The following WWOX variants were observed in gnomAD, a reference collection of about 807,000 sequenced individuals.
WWOX encodes WW domain containing oxidoreductase.
In WWOX, 69 loss-of-function variants were observed where a neutral mutation model predicts 46.2. The observed-to-expected ratio is 1.49, with a 90% confidence interval of 1.23 to 1.82. WWOX has a LOEUF of 1.82. Among genes scored for constraint, WWOX ranks in the 40% most tolerant of loss-of-function variants. The pLI is 0.00. For missense variants in WWOX, 919 were observed against 542.6 expected (o/e 1.69, Z -6.89); for synonymous variants, 359 against 202.6 (o/e 1.77, Z -6.56).
intron 8 of WWOX, among the ~76,000 whole-genome samples, chr16:78,626,216 C>T (rs780890783): frequency 1.6e-4 from 25 of 151,992 alleles, no homozygotes; most frequent in East Asian, 3.9e-4. Flanking sequence ...CTGCAACCTC[C>T]GCCTCGCAGG....
At chr16:78,620,644 C>T (rs981226403) in intron 8 of WWOX, among the ~76,000 whole-genome samples, 2 of 152,132 alleles carry the variant, frequency 1.3e-5, no homozygotes, top group Non-Finnish European at 2.9e-5. Context: ...GTACTTCCTG[C>T]TTCTTGATGC....
At chr16:78,614,667 G>C (rs944660478) in intron 8 of WWOX, among the ~76,000 whole-genome samples, 1 of 152,222 alleles carries the variant, frequency 6.6e-6, no homozygotes, top group African/African-American at 2.4e-5. Flanking sequence ...TCCAGTTACA[G>C]GGCCTCGCCT....
chr16:78,430,190 A>G (rs936801054), intron 7 of WWOX, among the ~76,000 whole-genome samples: 1 of 152,108 alleles, frequency 6.6e-6, no homozygotes, highest in Admixed American at 6.6e-5. Flanking sequence ...CTCATTTATA[A>G]AACCATCAGA....
intron 8 of WWOX, among the ~76,000 whole-genome samples, chr16:78,579,535 T>C (rs2943767): frequency 0.24 from 36,425 of 151,842 alleles, 4,859 homozygotes; most frequent in African/African-American, 0.34. Context: ...AGAAGGATGC[T>C]AGGTGAGGTG....
chr16:78,418,441 T>A (rs961789144), intron 6 of WWOX, among the ~76,000 whole-genome samples: 1 of 151,908 alleles, frequency 6.6e-6, no homozygotes, highest in Non-Finnish European at 1.5e-5. Context: ...GGAAACACTT[T>A]CCATCTGACA....
At chr16:78,859,061 T>C (rs1291450696) in intron 8 of WWOX, among the ~76,000 whole-genome samples, 1 of 77,434 alleles carries the variant, frequency 1.3e-5, no homozygotes, top group African/African-American at 4.9e-5. Flanking sequence ...TATATATATA[T>C]ATATATATAT....
chr16:78,906,474 TTCTG>T (rs367632184), intron 8 of WWOX, among the ~76,000 whole-genome samples: 36 of 152,252 alleles, frequency 2.4e-4, no homozygotes, highest in Middle Eastern at 6.8e-3. Context: ...GCAGGGAGTT[TTCTG>T]TCTTTGTCCC....
intron 8 of WWOX, among the ~76,000 whole-genome samples, chr16:78,805,361 T>C (rs1362401248): frequency 1.3e-5 from 2 of 152,018 alleles, no homozygotes; most frequent in African/African-American, 2.4e-5. Flanking sequence ...CCCGGGTTCA[T>C]GCCATTCTCC....
chr16:78,289,323 C>T (rs1344151091), intron 5 of WWOX, among the ~76,000 whole-genome samples: 2 of 151,998 alleles, frequency 1.3e-5, no homozygotes, highest in African/African-American at 4.8e-5. Flanking sequence ...TTTTTGATGA[C>T]CCAAAGAAGG....
rs1246686787 is a variant in WWOX, at chr16:78,869,045, G to A, written c.1057-342563G>A. Among the ~76,000 whole-genome samples the A allele has an allele frequency of 1.3e-5, 2 of 152,162 alleles. 1 individual carries two copies. Among genetic ancestry groups the A allele is most frequent in the South Asian group, 4.1e-4 (2 of 4,822 alleles). ...TAAAGGAAGAAAATAAAAATCACCT[G>A]TAGTCCTATCATTCAGAGATAACCA... is the stretch of plus-strand genomic sequence containing the variant. On this transcript the variant is annotated intron_variant, in intron 8 of 8. Coordinates refer to ENST00000566780, the MANE Select transcript of WWOX (RefSeq NM_016373.4).
chr16:78,378,022 GCCC>G (rs1229562977), intron 5 of WWOX, among the ~76,000 whole-genome samples: 1 of 152,030 alleles, frequency 6.6e-6, no homozygotes, highest in Non-Finnish European at 1.5e-5. Flanking sequence ...CTGATGGAGG[GCCC>G]TGGAGTGAAG....
In WWOX at chr16:78,798,723, G is replaced by A. The variant is rs531848497; in HGVS notation, c.1056+365971G>A. ...AAAATAAGCTATGGGATGTACAGCA[G>A]AGTATAACAATGATAAATGATGTTG... is the stretch of plus-strand genomic sequence containing the variant. On this transcript the variant is annotated intron_variant, in intron 8 of 8. Coordinates refer to ENST00000566780, the MANE Select transcript of WWOX (RefSeq NM_016373.4). 4.6e-5 allele frequency among the ~76,000 whole-genome samples: 7 copies of A among 152,120 alleles called. No individual in the cohort carries two copies. In the East Asian group the frequency reaches 1.4e-3, roughly 29 times the overall value.
chr16:78,333,997 C>G (rs1283770139), intron 5 of WWOX, among the ~76,000 whole-genome samples: 1 of 152,142 alleles, frequency 6.6e-6, no homozygotes, highest in Admixed American at 6.6e-5. Context: ...AGCCTGAGTT[C>G]CTTTTGTGAA....
intron 8 of WWOX, among the ~76,000 whole-genome samples, chr16:78,925,401 A>G (rs760969355): frequency 4.1e-4 from 63 of 152,186 alleles, no homozygotes; most frequent in Non-Finnish European, 1.2e-4. Flanking sequence ...GACAGCTCTC[A>G]GGCAAAATAT....
At chr16:78,786,688 G>C (rs910458264) in intron 8 of WWOX, among the ~76,000 whole-genome samples, 3 of 152,082 alleles carry the variant, frequency 2.0e-5, no homozygotes, top group Admixed American at 6.6e-5. Flanking sequence ...AAGTAACTCT[G>C]TGCCCATAGT....
At chr16:78,318,160 G>C (rs1211969083) in intron 5 of WWOX, among the ~76,000 whole-genome samples, 4 of 152,044 alleles carry the variant, frequency 2.6e-5, no homozygotes, top group Non-Finnish European at 5.9e-5. Context: ...CAGAGTTAGA[G>C]GGTGACATGT....
intron 8 of WWOX, among the ~76,000 whole-genome samples, chr16:78,919,635 A>G (rs1161284423): frequency 6.7e-6 from 1 of 149,222 alleles, no homozygotes; most frequent in East Asian, 2.0e-4. Flanking sequence ...CTCCTGCCTC[A>G]TGCTCCCGAA....
Position 78,861,241 on chromosome 16 carries a change from A to G in WWOX, c.1057-350367A>G, listed in dbSNP as rs551220578. 2.0e-5 allele frequency among the ~76,000 whole-genome samples: 3 copies of G among 152,294 alleles called. No homozygotes were observed. In the East Asian group the frequency reaches 5.8e-4, roughly 29 times the overall value. ...TAAAATAAAAGACTGAGTAAGAAAG[A>G]ATTGACTCCCTCTGCCTGACTTCAA... On this transcript the variant is annotated intron_variant, in intron 8 of 8. Transcript: ENST00000566780.
intron 8 of WWOX, among the ~76,000 whole-genome samples, chr16:78,686,752 C>T (rs952296328): frequency 2.0e-5 from 3 of 152,194 alleles, no homozygotes; most frequent in Non-Finnish European, 2.9e-5. Flanking sequence ...CTCCACCCTG[C>T]ACTCCATATG....
Sources: allele counts gnomAD v4.1 joint callset (sites outside exome capture counted in the v4.1 genomes callset), GRCh38; gene constraint gnomAD v4.1.1; transcripts MANE v1.5; gene names NCBI Gene and HGNC (gene_info 2026-07-23, HGNC 2026-07-21).